The following AGFG1 variants were observed in gnomAD, a reference collection of about 807,000 sequenced individuals.
AGFG1 encodes the protein arf-GAP domain and FG repeat-containing protein 1.
Under a neutral mutation model 60.6 loss-of-function variants are expected in AGFG1, and 10 were observed. The observed-to-expected ratio is 0.16, with a 90% confidence interval of 0.10 to 0.28. The LOEUF (loss-of-function observed/expected upper bound fraction) is 0.28, where lower values mean the gene tolerates loss of function less well. Among genes scored for constraint, AGFG1 ranks in the 10% least tolerant of loss-of-function variants. AGFG1 has a pLI of 1.00. For missense variants in AGFG1, 537 were observed against 676.5 expected (o/e 0.79, Z 2.29); for synonymous variants, 247 against 242.9 (o/e 1.02, Z -0.16).
In AGFG1 at chr2:227,501,507, TA is replaced by T. The variant is rs1464740587; in HGVS notation, c.261+9869del. 1.3e-5 allele frequency among the ~76,000 whole-genome samples: 2 copies of T among 152,220 alleles called. 1 individual carries two copies. Among genetic ancestry groups the T allele is most frequent in the African/African-American group, 4.8e-5 (2 of 41,448 alleles). On this transcript the variant is annotated intron_variant, in intron 2 of 12. Transcript: ENST00000310078. Reference sequence around the variant, plus strand: ...GTTTTGATCATTGCTTCCAATTTGGTAATCCAAAGCCCTATACAAATATACA... The same window carrying T: ...GTTTTGATCATTGCTTCCAATTTGGTATCCAAAGCCCTATACAAATATACA...
chr2:227,539,943 C>G (rs951768957), intron 10 of AGFG1, among the ~76,000 whole-genome samples: 2 of 152,076 alleles, frequency 1.3e-5, no homozygotes, highest in Non-Finnish European at 2.9e-5. Flanking sequence ...TCAAGCGATT[C>G]TCATGACTCA....
At position 227,532,878 on chromosome 2, in the gene AGFG1, A is replaced by G. The variant is rs191129481; in HGVS notation, c.815-671A>G. Among the ~76,000 whole-genome samples the G allele has an allele frequency of 3.9e-5, 6 of 152,268 alleles. No homozygotes were observed. In the East Asian group the frequency reaches 1.2e-3, roughly 29 times the overall value. On this transcript the variant is annotated intron_variant, in intron 6 of 12. Transcript: ENST00000310078. ...CAGGATATATATAATAGTGGCCATT[A>G]GGTGAATTGTGGTTTATAAAGTCAA...
chr2:227,522,345 T>C (rs956594445), intron 3 of AGFG1, among the ~76,000 whole-genome samples: 6 of 152,258 alleles, frequency 3.9e-5, no homozygotes, highest in Admixed American at 3.3e-4. Flanking sequence ...AAGACTTGGC[T>C]ATACTGAAGA....
chr2:227,493,451 A>G (rs763949217), intron 2 of AGFG1, among the ~76,000 whole-genome samples: 1 of 152,208 alleles, frequency 6.6e-6, no homozygotes, highest in Non-Finnish European at 1.5e-5. Flanking sequence ...TAATGTCCTC[A>G]AGATTCATCC....
intron 1 of AGFG1, among the ~76,000 whole-genome samples, chr2:227,481,426 A>G (rs1690459343): frequency 6.6e-6 from 1 of 152,122 alleles, no homozygotes; most frequent in Middle Eastern, 3.2e-3. Flanking sequence ...GGAGAGTCTA[A>G]TGATTTCTGA....
chr2:227,500,890 T>G (rs926008915), intron 2 of AGFG1, among the ~76,000 whole-genome samples: 2 of 152,250 alleles, frequency 1.3e-5, no homozygotes, highest in African/African-American at 4.8e-5. Context: ...CCTCCCAGGT[T>G]CAAGTGATTC....
At chr2:227,546,510 A>G (rs901918705) in intron 10 of AGFG1, among the ~76,000 whole-genome samples, 2 of 152,162 alleles carry the variant, frequency 1.3e-5, no homozygotes, top group Non-Finnish European at 2.9e-5. Flanking sequence ...AACCAGTCCC[A>G]GTGAGATGAA....
At chr2:227,543,014 A>AT (rs1447901461) in intron 10 of AGFG1, among the ~76,000 whole-genome samples, 2 of 151,874 alleles carry the variant, frequency 1.3e-5, no homozygotes, top group African/African-American at 4.8e-5. Flanking sequence ...CCCCTTTATC[A>AT]TTTTTTATTG....
Position 227,472,581 on chromosome 2 carries a change from G to A in AGFG1, c.160G>A (p.Gly54Ser). 6.4e-7 allele frequency: 1 copy of A among 1,574,706 alleles called. No homozygotes were observed. Among genetic ancestry groups the A allele is most frequent in the Admixed American group, 1.8e-5 (1 of 56,758 alleles). The change falls in exon 1 of 13, where the codon GGC (glycine) becomes AGC (serine). Residue 54 changes from glycine (G) to serine (S), a missense_variant. Physicochemically the swap from Gly to Ser is moderately conservative, Grantham distance 56. Transcript: ENST00000310078. The stretch of plus-strand genomic sequence containing the variant: ...CTCCTTCGTGTGTACCTCCTGCTCC[G>A]GCAGCCTGTGAGTGCGGGGCGGCCG... ...VGSFVCTSCSGSLRGLNPPHR... is the reference protein window; with the variant it reads ...VGSFVCTSCSSSLRGLNPPHR...
intron 2 of AGFG1, among the ~76,000 whole-genome samples, chr2:227,514,009 C>T (rs1284994186): frequency 6.6e-6 from 1 of 152,130 alleles, no homozygotes; most frequent in Admixed American, 6.5e-5. Flanking sequence ...GTGAGAGCTA[C>T]AAAATGCTAG....
chr2:227,537,108 G>T, intron 10 of AGFG1, 115 bp downstream of exon 10: 1 of 789,290 alleles, frequency 1.3e-6, no homozygotes, highest in Non-Finnish European at 2.1e-6. Context: ...GAATGGCAAT[G>T]GATAGAAGAG....
intron 11 of AGFG1, 73 bp from the exon 12 acceptor site, chr2:227,553,631 A>G (rs1471573626): frequency 8.0e-7 from 1 of 1,246,124 alleles, no homozygotes; most frequent in Non-Finnish European, 1.2e-6. Flanking sequence ...TCTGAAAGTT[A>G]TTATGAGGCT....
chr2:227,523,031 G>C (rs1184990807), intron 3 of AGFG1, among the ~76,000 whole-genome samples: 1 of 152,150 alleles, frequency 6.6e-6, no homozygotes, highest in Non-Finnish European at 1.5e-5. Context: ...AAATTATAAA[G>C]AGAGGACTGT....
chr2:227,554,405 CTT>C lies in AGFG1; in HGVS notation c.1630-29_1630-28del, dbSNP rs760702107. On this transcript the variant is annotated intron_variant, in intron 12 of 12. Transcript: ENST00000310078. ...TTTTGTACATGCACTACTTTTGTCT[CTT>C]TATTTATTTGTCTTATGTTTTCCTT... is the stretch of plus-strand genomic sequence containing the variant. 6.9e-6 allele frequency: 11 copies of C among 1,585,460 alleles called. No individual in the cohort carries two copies. The African/African-American group carries it at 1.1e-4, about 16-fold the overall frequency.
intron 10 of AGFG1, among the ~76,000 whole-genome samples, chr2:227,551,174 T>C (rs1692807678): frequency 6.6e-6 from 1 of 152,188 alleles, no homozygotes; most frequent in South Asian, 2.1e-4. Flanking sequence ...TTGAACACTT[T>C]GGCCATTTAT....
At chr2:227,519,926 A>G (rs1575093009) in intron 2 of AGFG1, 22 bp from the exon 3 acceptor site, 5 of 1,421,332 alleles carry the variant, frequency 3.5e-6, no homozygotes, top group South Asian at 1.2e-5. Flanking sequence ...TTTAACATAT[A>G]TTTTTTTAAT....
chr2:227,503,088 C>T (rs1245469671), intron 2 of AGFG1, among the ~76,000 whole-genome samples: 1 of 151,822 alleles, frequency 6.6e-6, no homozygotes. Flanking sequence ...CAAAAGTTAG[C>T]CAGGCATGGT....
At chr2:227,484,570 A>G (rs1025017746) in intron 1 of AGFG1, among the ~76,000 whole-genome samples, 40 of 151,196 alleles carry the variant, frequency 2.6e-4, no homozygotes, top group African/African-American at 9.7e-4. Flanking sequence ...ATTTGTTTAG[A>G]TTTGCCAGTT....
In AGFG1 at chr2:227,558,910, C is replaced by T. The variant is rs1282461827; in HGVS notation, c.*4415C>T. On this transcript the variant is annotated 3_prime_UTR_variant, in exon 13 of 13. Transcript: ENST00000310078. Reference sequence around the variant, plus strand: ...CAGCTTCAGCACAGCAAAGGACATACAATTCCACAACTCATTAATTAAATG... The same window carrying T: ...CAGCTTCAGCACAGCAAAGGACATATAATTCCACAACTCATTAATTAAATG... The T allele has an allele frequency of 6.6e-6, 1 of 152,222 alleles. No homozygotes were observed. The highest frequency in any genetic ancestry group is 1.5e-5 in the Non-Finnish European group (1 of 68,042). The allele number at this position is 152,222 out of a possible 1,614,324, so 9.4% of individuals were successfully genotyped here.
Sources: gnomAD v4.1 joint callset for allele counts (sites outside exome capture counted in the v4.1 genomes callset) on GRCh38, gnomAD v4.1.1 for gene constraint, MANE v1.5 for transcripts, NCBI Gene and HGNC (gene_info 2026-07-23, HGNC 2026-07-21) for gene names.